Variants in PCDHGA5 observed in about 807,000 individuals in gnomAD.
PCDHGA5 encodes the protein protocadherin gamma-A5.
Under a neutral mutation model 56.7 loss-of-function variants are expected in PCDHGA5, and 36 were observed. The observed-to-expected ratio is 0.64, with a 90% CI of 0.49 to 0.84. The LOEUF (loss-of-function observed/expected upper bound fraction) is 0.84. PCDHGA5 is among the 40% of genes least tolerant of loss of function. The pLI, the probability that PCDHGA5 is intolerant of heterozygous loss-of-function variation, is 0.00. For missense variants in PCDHGA5, 1,305 were observed against 1,201.5 expected, an observed-to-expected ratio of 1.09 and a Z score of -1.27; for synonymous variants, 563 against 520.2, an observed-to-expected ratio of 1.08 and a Z score of -1.12.
At chr5:141,456,175 A>G (rs2154565434) in intron 1 of PCDHGA5, among the ~76,000 whole-genome samples, 1 of 151,840 alleles carries the variant, frequency 6.6e-6, no homozygotes, top group East Asian at 1.9e-4. Context: ...GGGATTACAG[A>G]ATAATTTCTT....
At chr5:141,423,838 T>G in intron 1 of PCDHGA5, 1 of 1,279,552 alleles carries the variant, frequency 7.8e-7, no homozygotes, top group South Asian at 3.5e-5. Context: ...GAGATTACGA[T>G]AATCTTTCAG....
rs537087639 is a variant in PCDHGA5 at position 141,510,502 on chromosome 5, G to A, written c.2570-445G>A. 3.3e-5 allele frequency among the ~76,000 whole-genome samples: 5 copies of A among 152,296 alleles called. No homozygotes were observed. The South Asian group carries it at 6.2e-4, about 19-fold the overall frequency. ...CTTGAGAAAGCCAGGGCAAGGAACTGAGAGCCCGTGTCACAGCCCTGAGAG... is the reference window on the plus strand; with the variant it reads ...CTTGAGAAAGCCAGGGCAAGGAACTAAGAGCCCGTGTCACAGCCCTGAGAG... On this transcript the variant is annotated intron_variant, in intron 3 of 3. Coordinates refer to ENST00000518069, the MANE Select transcript of PCDHGA5 (RefSeq NM_018918.3).
Position 141,409,638 on chromosome 5 carries a change from C to T in PCDHGA5, c.2421+42887C>T, listed in dbSNP as rs1040366842. The T allele has an allele frequency of 3.1e-6, 5 of 1,613,648 alleles. No homozygotes were observed. The highest frequency in any genetic ancestry group is 1.7e-5 in the Admixed American group (1 of 60,006). ...ATTGCGCAAGTGAGCGCCTCTGACC[C>T]GGATTTGGGGCTCAATGGCCACATC... On this transcript the variant is annotated intron_variant, in intron 1 of 3. Coordinates refer to ENST00000518069, the MANE Select transcript of PCDHGA5 (RefSeq NM_018918.3).
At chr5:141,482,876 AGCCTG>A (rs2099574018) in intron 1 of PCDHGA5, among the ~76,000 whole-genome samples, 1 of 152,142 alleles carries the variant, frequency 6.6e-6, no homozygotes, top group Admixed American at 6.5e-5. Flanking sequence ...GTTTGAAACC[AGCCTG>A]GCCAACATGG....
chr5:141,379,975 C>T (rs2150153765), intron 1 of PCDHGA5, among the ~76,000 whole-genome samples: 1 of 132,632 alleles, frequency 7.5e-6, no homozygotes, highest in South Asian at 2.6e-4. Flanking sequence ...TCTCTGCTCA[C>T]TGCAACTTCC....
At position 141,419,527 on chromosome 5, in the gene PCDHGA5, C is replaced by G. The variant is rs755936657; in HGVS notation, c.2421+52776C>G. ...TGCGCGTGTTGGTGGGCGACCGTAA[C>G]GACAACGCACCGCGGGTGCTGTACC... is the stretch of plus-strand genomic sequence containing the variant. On this transcript the variant is annotated intron_variant, in intron 1 of 3. Transcript: ENST00000518069. The G allele has an allele frequency of 6.8e-5, 110 of 1,612,064 alleles. 2 individuals carry two copies. In the South Asian group the frequency reaches 9.6e-4, roughly 14 times the overall value.
intron 1 of PCDHGA5, among the ~76,000 whole-genome samples, chr5:141,466,909 ACTC>A (rs1249720055): frequency 6.6e-6 from 1 of 151,110 alleles, no homozygotes; most frequent in Non-Finnish European, 1.5e-5. Flanking sequence ...GTTTTTGAAA[ACTC>A]CTTGTATTAG....
rs1167955962 is a variant in PCDHGA5, at chr5:141,477,078, A to G, written c.2422-17729A>G. ...GAGGACACCAAACTCCATGAGATTT[A>G]CATCCAGGCCAAAGACAAGGGCGCC... On this transcript the variant is annotated intron_variant, in intron 1 of 3. Transcript: ENST00000518069. This position sits in a 1 kb window ranked among gnomAD's most constrained non-coding sequence, Gnocchi z 4.9. The G allele has an allele frequency of 6.8e-6, 11 of 1,614,262 alleles. No individual in the cohort carries two copies. In the South Asian group the frequency reaches 1.2e-4, roughly 18 times the overall value.
chr5:141,491,438 G>T lies in PCDHGA5; in HGVS notation c.2422-3369G>T, dbSNP rs376927300. 3.7e-6 allele frequency: 6 copies of T among 1,613,948 alleles called. No homozygotes were observed. The African/African-American group carries it at 4.0e-5, about 11-fold the overall frequency. ...GGGGGTGGAGGGCAGTGCTGCAGGCGCCAGGACTCACCCTCCCCGGACTTC... is the reference window on the plus strand; with the variant it reads ...GGGGGTGGAGGGCAGTGCTGCAGGCTCCAGGACTCACCCTCCCCGGACTTC... On this transcript the variant is annotated intron_variant, in intron 1 of 3. Transcript: ENST00000518069. The surrounding 1 kb of genome is among the most constrained non-coding windows in gnomAD (Gnocchi z 6.9).
chr5:141,421,469 G>T (rs767500900), intron 1 of PCDHGA5: 1 of 1,614,122 alleles, frequency 6.2e-7, no homozygotes, highest in South Asian at 1.1e-5. Flanking sequence ...GTGAATCCGC[G>T]AAGCGGCAGC....
In PCDHGA5 at chr5:141,487,822, G is replaced by T. The variant is rs1406642768; in HGVS notation, c.2422-6985G>T. ...TGTCACAGTTTAGCATTGGGGGCGG[G>T]TCATGCCTATATCTGAGTAAGAAAT... On this transcript the variant is annotated intron_variant, in intron 1 of 3. Coordinates refer to ENST00000518069, the MANE Select transcript of PCDHGA5 (RefSeq NM_018918.3). This position sits in a 1 kb window ranked among gnomAD's most constrained non-coding sequence, Gnocchi z 5.0. The T allele has an allele frequency of 3.1e-6, 4 of 1,278,640 alleles. No homozygotes were observed. The East Asian group carries it at 7.6e-5, about 24-fold the overall frequency. 79.2% of individuals were successfully genotyped at this position (1,278,640 alleles called of 1,614,324 possible). A position where few individuals can be genotyped will look rare whatever the true frequency, so the allele number is the denominator to read the frequency against.
At chr5:141,461,861 T>C (rs1445632008) in intron 1 of PCDHGA5, among the ~76,000 whole-genome samples, 8 of 152,182 alleles carry the variant, frequency 5.3e-5, no homozygotes, top group Middle Eastern at 3.4e-3. Flanking sequence ...TTTGCTCTTG[T>C]TGCCCAGGCT....
intron 1 of PCDHGA5, chr5:141,370,325 G>A (rs1414705045): frequency 5.0e-6 from 7 of 1,390,940 alleles, no homozygotes; most frequent in Non-Finnish European, 6.8e-6. Context: ...GGTCCTGCTC[G>A]GAGAACTCTT....
chr5:141,370,895 G>A lies in PCDHGA5; in HGVS notation c.2421+4144G>A, dbSNP rs574834175. 79 of 1,614,032 alleles carry A rather than the reference G, an allele frequency of 4.9e-5. 1 individual carries two copies. In the East Asian group the frequency reaches 1.7e-3, roughly 34 times the overall value. On this transcript the variant is annotated intron_variant, in intron 1 of 3. Transcript: ENST00000518069. ...ATCCTGATGTAGGTGTCAATTCGCT[G>A]CAGCAGTACTACCTCAGCCCTGATC...
At chr5:141,375,948 A>C in intron 1 of PCDHGA5, 1 of 1,613,556 alleles carries the variant, frequency 6.2e-7, no homozygotes, top group Non-Finnish European at 8.5e-7. Context: ...GTGGGCCTGC[A>C]CACGGGCGAG....
intron 1 of PCDHGA5, chr5:141,408,965 C>A: frequency 3.1e-6 from 5 of 1,613,806 alleles, no homozygotes; most frequent in Non-Finnish European, 4.2e-6. Flanking sequence ...TAGTGAAAAT[C>A]TGCCCCCTGG....
chr5:141,452,951 G>T (rs1397204185), intron 1 of PCDHGA5, among the ~76,000 whole-genome samples: 13 of 152,154 alleles, frequency 8.5e-5, no homozygotes, highest in Admixed American at 8.5e-4. Context: ...GCAATTGGTT[G>T]TCTTTAAACT....
At chr5:141,456,702 C>T (rs1185842343) in intron 1 of PCDHGA5, among the ~76,000 whole-genome samples, 1 of 152,062 alleles carries the variant, frequency 6.6e-6, no homozygotes, top group Non-Finnish European at 1.5e-5. Flanking sequence ...TGGTGGCTCG[C>T]GCCTGTAATC....
At chr5:141,455,128 T>C (rs2098813900) in intron 1 of PCDHGA5, among the ~76,000 whole-genome samples, 2 of 151,962 alleles carry the variant, frequency 1.3e-5, no homozygotes, top group Admixed American at 6.6e-5. Context: ...ATGTTTTAAA[T>C]TACACTGTGT....
Sources: allele counts gnomAD v4.1 joint callset (sites outside exome capture counted in the v4.1 genomes callset), GRCh38; gene constraint gnomAD v4.1.1; non-coding constraint Gnocchi (gnomAD v3.1); transcripts MANE v1.5; gene names NCBI Gene and HGNC (gene_info 2026-07-23, HGNC 2026-07-21).